The following MYOM2 variants were observed in gnomAD, a reference collection of about 807,000 sequenced individuals.
MYOM2 encodes myomesin-2.
MYOM2 carries 254 observed loss-of-function variants against 187.6 expected under a neutral mutation model. The ratio of observed to expected loss-of-function variants is 1.35; its 90% CI spans 1.22 to 1.50. MYOM2 has a LOEUF of 1.50. MYOM2 is among the 40% of genes most tolerant of loss of function. The probability of loss-of-function intolerance (pLI) is 0.00; values close to 1 mark genes in which losing one functional copy is unlikely to be tolerated. For synonymous variants in MYOM2, 981 were observed against 753.8 expected (o/e 1.30, Z -4.94); for missense variants, 2,796 against 1,924.0 (o/e 1.45, Z -8.48).
chr8:2,059,331 G>C lies in MYOM2; in HGVS notation c.653+86G>C. The C allele has an allele frequency of 2.5e-6, 3 of 1,195,338 alleles. No homozygotes were observed. The South Asian group carries it at 4.0e-5, about 16-fold the overall frequency. 74.0% of individuals were successfully genotyped at this position (1,195,338 alleles called of 1,614,324 possible). A position where few individuals can be genotyped will look rare whatever the true frequency, so the allele number is the denominator to read the frequency against. On this transcript the variant is annotated intron_variant, in intron 6 of 36. Coordinates refer to ENST00000262113, the MANE Select transcript of MYOM2 (RefSeq NM_003970.4). ...AGAAGAAGTCAGATGGGTAACTGGAGGCCAAATCACACCTGTCTGTTTGCA... is the reference window on the plus strand; with the variant it reads ...AGAAGAAGTCAGATGGGTAACTGGACGCCAAATCACACCTGTCTGTTTGCA...
Position 2,140,720 on chromosome 8 carries a change from A to T in MYOM2, c.3801-3A>T, listed in dbSNP as rs368375578. ...CAGATACGTTCCTGTTGCTCTTTTC[A>T]AGAGATGCTAAGATCTCATCCAGTG... is the stretch of plus-strand genomic sequence containing the variant. On this transcript the variant is annotated splice_region_variant and splice_polypyrimidine_tract_variant and intron_variant, in intron 32 of 36. Transcript: ENST00000262113. 8 of 1,613,236 alleles carry T rather than the reference A, an allele frequency of 5.0e-6. No homozygotes were observed. The Admixed American group carries it at 6.7e-5, about 13-fold the overall frequency.
intron 8 of MYOM2, 83 bp from the exon 9 acceptor site, chr8:2,072,262 T>C: frequency 7.2e-6 from 6 of 833,006 alleles, no homozygotes; most frequent in Non-Finnish European, 9.4e-6. Flanking sequence ...AGAAAGATGC[T>C]CTCTGCCCTT....
chr8:2,070,250 C>T (rs530199693), intron 8 of MYOM2, among the ~76,000 whole-genome samples: 14 of 152,284 alleles, frequency 9.2e-5, no homozygotes, highest in African/African-American at 2.6e-4. Flanking sequence ...CCGTACATTC[C>T]GATGGAAGCA....
rs1819802739 is a variant in MYOM2, at chr8:2,085,494, C to CACTGTCGTGATCTCTGCGTGGCCCCCT, written c.1644+109_1644+110insCGTGATCTCTGCGTGGCCCCCTACTGT. Reference sequence around the variant, plus strand: ...CTGTCGTGATCTCCGCGTGGCCCCTCACTGTTGTGATCTCCGCGTGGCCCC... The same window carrying CACTGTCGTGATCTCTGCGTGGCCCCCT: ...CTGTCGTGATCTCCGCGTGGCCCCTCACTGTCGTGATCTCTGCGTGGCCCCCTACTGTTGTGATCTCCGCGTGGCCCC... On this transcript the variant is annotated intron_variant, in intron 14 of 36. Coordinates refer to ENST00000262113, the MANE Select transcript of MYOM2 (RefSeq NM_003970.4). 888 of 1,297,278 alleles carry CACTGTCGTGATCTCTGCGTGGCCCCCT rather than the reference C, an allele frequency of 6.8e-4. 54 individuals carry two copies. The highest frequency in any genetic ancestry group is 8.7e-4 in the South Asian group (60 of 68,940). The allele number at this position is 1,297,278 out of a possible 1,614,324, so 80.4% of individuals were successfully genotyped here.
Position 2,074,358 on chromosome 8 carries a change from G to A in MYOM2, c.1120+858G>A, listed in dbSNP as rs149858553. Among the ~76,000 whole-genome samples, 1,358 of 152,196 alleles carry A rather than the reference G, an allele frequency of 8.9e-3. 27 individuals are homozygous for A. The highest frequency in any genetic ancestry group is 0.031 in the African/African-American group (1,280 of 41,516). On this transcript the variant is annotated intron_variant, in intron 10 of 36. Coordinates refer to ENST00000262113, the MANE Select transcript of MYOM2 (RefSeq NM_003970.4). ...GTAGAGAAGCTCAGATTTAAATTTT[G>A]CTGGAGCCTGGAACCTGAGTTCCTG...
intron 32 of MYOM2, among the ~76,000 whole-genome samples, chr8:2,133,045 C>T (rs989757353): frequency 2.4e-4 from 37 of 152,174 alleles, no homozygotes; most frequent in African/African-American, 8.7e-4. Flanking sequence ...GCGGTCCTGG[C>T]CTGTGACAGC....
rs201075620 is a variant in MYOM2, at chr8:2,096,239, C to G, written c.2126-8C>G. ...CCTCGGTAACTCCCTGGTTGTGCTT[C>G]CTTGCAGCCGTCCCGTCCCATCCTT... On this transcript the variant is annotated splice_region_variant and splice_polypyrimidine_tract_variant and intron_variant, in intron 17 of 36. Coordinates refer to ENST00000262113, the MANE Select transcript of MYOM2 (RefSeq NM_003970.4). The G allele has an allele frequency of 3.0e-4, 477 of 1,609,374 alleles. No individual in the cohort carries two copies. The highest frequency in any genetic ancestry group is 3.7e-4 in the Non-Finnish European group (436 of 1,176,888).
Position 2,079,051 on chromosome 8 carries a change from G to C in MYOM2, c.1462+118G>C, listed in dbSNP as rs1819532509. 8 of 956,598 alleles carry C rather than the reference G, an allele frequency of 8.4e-6. No homozygotes were observed. In the South Asian group the frequency reaches 1.2e-4, roughly 14 times the overall value. 59.3% of individuals were successfully genotyped at this position (956,598 alleles called of 1,614,324 possible). Reference sequence around the variant, plus strand: ...GAGCCCTGAGAATGCCCTGTGTGCAGAGCATAGCACAGGCTGTTACAACGT... The same window carrying C: ...GAGCCCTGAGAATGCCCTGTGTGCACAGCATAGCACAGGCTGTTACAACGT... On this transcript the variant is annotated intron_variant, in intron 12 of 36. Transcript: ENST00000262113.
intron 13 of MYOM2, among the ~76,000 whole-genome samples, chr8:2,084,006 T>C (rs1376567293): frequency 6.6e-6 from 1 of 152,250 alleles, no homozygotes; most frequent in Non-Finnish European, 1.5e-5. Context: ...CTTCTGTTCA[T>C]TGCCTTGTTC....
At chr8:2,055,413 G>C (rs1339699109) in intron 3 of MYOM2, among the ~76,000 whole-genome samples, 1 of 152,178 alleles carries the variant, frequency 6.6e-6, no homozygotes, top group East Asian at 1.9e-4. Context: ...GCCCATTAGA[G>C]GTTGGGAGGA....
In MYOM2 at chr8:2,096,309, G is replaced by C; in HGVS notation, c.2188G>C (p.Gly730Arg). The stretch of plus-strand genomic sequence containing the variant: ...CTGTGACGGCCACTCCATGACCCTC[G>C]GCTGGAAGGTCCCGAAATTCAGTGG... ...LNCDGHSMTL[G>R]WKVPKFSGGS... The change falls in exon 18 of 37, where the codon GGC becomes CGC. Residue 730 changes from glycine (G) to arginine (R), a missense_variant. Coordinates refer to ENST00000262113, the MANE Select transcript of MYOM2 (RefSeq NM_003970.4). 1 of 1,614,156 alleles carries C rather than the reference G, an allele frequency of 6.2e-7. No individual in the cohort carries two copies. Among genetic ancestry groups the C allele is most frequent in the Non-Finnish European group, 8.5e-7 (1 of 1,180,034 alleles).
chr8:2,108,907 T>C (rs1796979412), intron 24 of MYOM2, 77 bp downstream of exon 24: 1 of 1,404,596 alleles, frequency 7.1e-7, no homozygotes, highest in East Asian at 2.3e-5. Flanking sequence ...CATGAGCTCT[T>C]GGAAGAACAG....
At chr8:2,142,051 G>C (rs1798291933) in intron 34 of MYOM2, among the ~76,000 whole-genome samples, 1 of 148,162 alleles carries the variant, frequency 6.7e-6, no homozygotes, top group African/African-American at 2.5e-5. Flanking sequence ...AATATCTCAA[G>C]TCTCCAGTGC....
intron 13 of MYOM2, among the ~76,000 whole-genome samples, chr8:2,082,689 A>C (rs1563441074): frequency 6.6e-6 from 1 of 152,218 alleles, no homozygotes; most frequent in African/African-American, 2.4e-5. Context: ...CCCTCACAGA[A>C]TATAATAAGA....
At chr8:2,082,474 A>G (rs771653077) in intron 13 of MYOM2, among the ~76,000 whole-genome samples, 5 of 152,116 alleles carry the variant, frequency 3.3e-5, no homozygotes, top group Non-Finnish European at 7.4e-5. Context: ...GAAACTCATT[A>G]CTGTTGCTGG....
chr8:2,094,194 A>T (rs1255137484), intron 17 of MYOM2, 103 bp downstream of exon 17: 17 of 1,427,704 alleles, frequency 1.2e-5, no homozygotes, highest in Non-Finnish European at 1.5e-5. Context: ...TGAAGGGGAA[A>T]AGGGGACTAA....
intron 25 of MYOM2, among the ~76,000 whole-genome samples, chr8:2,110,652 C>T (rs1282813767): frequency 6.6e-6 from 1 of 151,998 alleles, no homozygotes; most frequent in Admixed American, 6.5e-5. Context: ...TAGCTGTGTA[C>T]TAAGTCCTCA....
chr8:2,069,226 T>G, intron 6 of MYOM2, 52 bp from the exon 7 acceptor site: 1 of 1,553,570 alleles, frequency 6.4e-7, no homozygotes, highest in Non-Finnish European at 8.8e-7. Flanking sequence ...TTCGGGTCAC[T>G]GACTTTTACA....
At chr8:2,052,573 G>A (rs1473605176) in intron 3 of MYOM2, among the ~76,000 whole-genome samples, 1 of 152,212 alleles carries the variant, frequency 6.6e-6, no homozygotes, top group East Asian at 1.9e-4. Context: ...GCTGTTCAGA[G>A]CGCTCACGCC....
Sources: gnomAD v4.1 joint callset for allele counts (sites outside exome capture counted in the v4.1 genomes callset) on GRCh38, gnomAD v4.1.1 for gene constraint, MANE v1.5 for transcripts, NCBI Gene and HGNC (gene_info 2026-07-23, HGNC 2026-07-21) for gene names.